The following GRM7 variants were observed in gnomAD, a reference collection of about 807,000 sequenced individuals.
The protein encoded by GRM7 is glutamate metabotropic receptor 7.
GRM7 carries 35 observed loss-of-function variants against 84.5 expected under a neutral mutation model. That is an observed-to-expected ratio of 0.41 (90% CI 0.32 to 0.55). The LOEUF (loss-of-function observed/expected upper bound fraction) is 0.55, where lower values mean the gene tolerates loss of function less well. Ranked by LOEUF, GRM7 falls within the 20% of genes least tolerant of loss-of-function variation. The pLI, the probability that GRM7 is intolerant of heterozygous loss-of-function variation, is 0.19. For missense variants in GRM7, 1,003 were observed against 1,194.6 expected (o/e 0.84, Z 2.36); for synonymous variants, 487 against 455.1 (o/e 1.07, Z -0.89).
intron 1 of GRM7, among the ~76,000 whole-genome samples, chr3:6,963,909 C>T (rs1037622796): frequency 2.0e-5 from 3 of 152,088 alleles, no homozygotes; most frequent in African/African-American, 7.2e-5. Flanking sequence ...TTGGAGTTTT[C>T]TCTACTTGAT....
intron 1 of GRM7, among the ~76,000 whole-genome samples, chr3:7,100,751 C>T (rs1699082731): frequency 6.6e-6 from 1 of 151,482 alleles, no homozygotes. Flanking sequence ...AGAATTATTT[C>T]CATCTACACA....
At chr3:7,176,229 T>TAAAAAAAAAAAAAAAAA (rs55732650) in intron 2 of GRM7, among the ~76,000 whole-genome samples, 3 of 63,142 alleles carry the variant, frequency 4.8e-5, no homozygotes, top group Admixed American at 2.4e-4. Flanking sequence ...CTATAAAAAG[T>TAAAAAAAAAAAAAAAAA]AAAAAAAAAA....
Position 7,521,372 on chromosome 3 carries a change from G to A in GRM7, c.1516-57050G>A, listed in dbSNP as rs141632110. Among the ~76,000 whole-genome samples, 872 of 152,290 alleles carry A rather than the reference G, an allele frequency of 5.7e-3. 2 individuals carry two copies. The highest frequency in any genetic ancestry group is 0.02 in the African/African-American group (823 of 41,564). On this transcript the variant is annotated intron_variant, in intron 7 of 9. Transcript: ENST00000357716. ...ATCCCCAAGGTTATGGTAGTAGAAG[G>A]TGAGGCCTTTGGCCAGATGATTGGG...
Position 6,932,501 on chromosome 3 carries a change from C to T in GRM7, c.519+70594C>T, listed in dbSNP as rs374317105. Among the ~76,000 whole-genome samples, 4 of 152,140 alleles carry T rather than the reference C, an allele frequency of 2.6e-5. No homozygotes were observed. The East Asian group carries it at 7.7e-4, about 29-fold the overall frequency. On this transcript the variant is annotated intron_variant, in intron 1 of 9. Coordinates refer to ENST00000357716, the MANE Select transcript of GRM7 (RefSeq NM_000844.4). ...AATAATTTAGATAAATGAAACTGGA[C>T]TTGTCTTTTAGATTTAAAAACATAA...
intron 4 of GRM7, among the ~76,000 whole-genome samples, chr3:7,365,348 C>A (rs560103292): frequency 1.9e-4 from 29 of 151,682 alleles, no homozygotes; most frequent in Non-Finnish European, 4.0e-4. Context: ...TCTCTCTCAT[C>A]TGTTCTTCAG....
chr3:7,473,503 A>C (rs1189033469), intron 7 of GRM7, among the ~76,000 whole-genome samples: 1 of 150,288 alleles, frequency 6.7e-6, no homozygotes, highest in Non-Finnish European at 1.5e-5. Flanking sequence ...AGAGAGAGAG[A>C]GAGAGAGAGA....
At chr3:7,278,387 G>A (rs1699145210) in intron 2 of GRM7, among the ~76,000 whole-genome samples, 1 of 152,004 alleles carries the variant, frequency 6.6e-6, no homozygotes, top group Non-Finnish European at 1.5e-5. Context: ...TCAGATAAAT[G>A]AAAGAAAACA....
intron 2 of GRM7, among the ~76,000 whole-genome samples, chr3:7,192,387 C>T (rs1008294230): frequency 1.3e-5 from 2 of 152,094 alleles, no homozygotes; most frequent in African/African-American, 4.8e-5. Context: ...CTCCAATTCT[C>T]CAAGATATGT....
intron 7 of GRM7, among the ~76,000 whole-genome samples, chr3:7,546,193 T>G (rs2125020232): frequency 6.6e-6 from 1 of 152,266 alleles, no homozygotes; most frequent in East Asian, 1.9e-4. Flanking sequence ...TCATAAAAAT[T>G]TTCAGATACA....
chr3:7,185,644 G>A (rs922688375), intron 2 of GRM7, among the ~76,000 whole-genome samples: 2 of 152,070 alleles, frequency 1.3e-5, no homozygotes, highest in African/African-American at 4.8e-5. Context: ...TTAAGAAGTG[G>A]TACCCAGAGC....
intron 8 of GRM7, among the ~76,000 whole-genome samples, chr3:7,661,101 A>G (rs1699425189): frequency 6.6e-6 from 1 of 152,244 alleles, no homozygotes; most frequent in African/African-American, 2.4e-5. Context: ...TGAACAGATT[A>G]ACTGGACTTC....
intron 8 of GRM7, among the ~76,000 whole-genome samples, chr3:7,580,559 C>G (rs1695201013): frequency 6.6e-6 from 1 of 152,086 alleles, no homozygotes; most frequent in South Asian, 2.1e-4. Context: ...ATCTAGTTTT[C>G]CAGCTGAAAA....
chr3:7,038,737 C>G (rs992757919), intron 1 of GRM7, among the ~76,000 whole-genome samples: 2 of 152,094 alleles, frequency 1.3e-5, no homozygotes, highest in African/African-American at 4.8e-5. Context: ...GAGGTTGATA[C>G]AATTATCATT....
intron 2 of GRM7, among the ~76,000 whole-genome samples, chr3:7,170,823 A>G (rs1694959504): frequency 6.6e-6 from 1 of 152,148 alleles, no homozygotes; most frequent in Admixed American, 6.6e-5. Flanking sequence ...TGAAACCTAC[A>G]TGATTCTGTA....
chr3:7,298,864 C>A (rs746154480), intron 3 of GRM7, 39 bp downstream of exon 3: 1 of 1,552,438 alleles, frequency 6.4e-7, no homozygotes, highest in African/African-American at 1.4e-5. Context: ...ATGCATGTTG[C>A]AATTTTAGGA....
rs1698015760 is a variant in GRM7 at position 7,252,182 on chromosome 3, A to G, written c.737-46502A>G. Among the ~76,000 whole-genome samples the G allele has an allele frequency of 2.0e-5, 3 of 152,208 alleles. No homozygotes were observed. In the South Asian group the frequency reaches 6.2e-4, roughly 32 times the overall value. On this transcript the variant is annotated intron_variant, in intron 2 of 9. Transcript: ENST00000357716. ...CAATAGAAAGGCAGGCAGAGAGAAC[A>G]GAATTTGTTACCGAGAGGCAAGTGC...
At chr3:7,441,232 T>C (rs1697273895) in intron 5 of GRM7, among the ~76,000 whole-genome samples, 1 of 152,214 alleles carries the variant, frequency 6.6e-6, no homozygotes, top group Admixed American at 6.5e-5. Context: ...ATTTCTCTAA[T>C]GATTAGTGAT....
intron 4 of GRM7, among the ~76,000 whole-genome samples, chr3:7,374,143 C>T (rs1226500487): frequency 6.6e-6 from 1 of 152,114 alleles, no homozygotes; most frequent in Non-Finnish European, 1.5e-5. Flanking sequence ...AACTTACTTG[C>T]ATGAAATATT....
chr3:7,354,938 A>G (rs906002484), intron 4 of GRM7, among the ~76,000 whole-genome samples: 11 of 152,184 alleles, frequency 7.2e-5, no homozygotes, highest in African/African-American at 2.4e-4. Context: ...GCTCTCTGTC[A>G]TAGTCTAGTT....
Sources: allele counts gnomAD v4.1 joint callset (sites outside exome capture counted in the v4.1 genomes callset), GRCh38; gene constraint gnomAD v4.1.1; transcripts MANE v1.5; gene names NCBI Gene and HGNC (gene_info 2026-07-23, HGNC 2026-07-21).